Variants in RAB38 observed in about 807,000 individuals in gnomAD.
RAB38 encodes RAB38, member RAS oncogene family.
A neutral mutation model predicts 18.4 loss-of-function variants in RAB38; 15 were observed. The observed-to-expected ratio is 0.82, with a 90% CI of 0.55 to 1.26. RAB38 has a LOEUF of 1.26. Among genes scored for constraint, RAB38 ranks in the 50% most tolerant of loss-of-function variants. The pLI is 0.00. For synonymous variants in RAB38, 101 were observed against 104.4 expected (o/e 0.97, Z 0.20); for missense variants, 294 against 267.4 (o/e 1.10, Z -0.69).
chr11:87,805,300 A>T, the RAB38 span, among the ~76,000 whole-genome samples: 5 of 152,270 alleles, frequency 3.3e-5, no homozygotes, highest in Admixed American at 3.3e-4. Context: ...ATACACACAC[A>T]CAAACACCTA....
chr11:88,019,964 T>A, the RAB38 span, among the ~76,000 whole-genome samples: 1 of 152,174 alleles, frequency 6.6e-6, no homozygotes, highest in Non-Finnish European at 1.5e-5. Context: ...AATTCAGCAC[T>A]GTAGACATAC....
At chr11:88,052,377 T>C in the RAB38 span, among the ~76,000 whole-genome samples, 1 of 152,198 alleles carries the variant, frequency 6.6e-6, no homozygotes, top group Non-Finnish European at 1.5e-5. Flanking sequence ...GCTGAAAATA[T>C]AGTTGAATTA....
the RAB38 span, among the ~76,000 whole-genome samples, chr11:87,926,102 A>G: frequency 6.6e-6 from 1 of 151,606 alleles, no homozygotes; most frequent in Non-Finnish European, 1.5e-5. Flanking sequence ...GAGTGTTAGC[A>G]CGGAGTTAGT....
intron 2 of RAB38, among the ~76,000 whole-genome samples, chr11:88,121,213 G>C (rs1020613507): frequency 4.6e-5 from 7 of 152,146 alleles, no homozygotes; most frequent in Non-Finnish European, 8.8e-5. Flanking sequence ...CTGTGTCCTT[G>C]AAAACAAGGA....
chr11:87,864,169 T>A, the RAB38 span, among the ~76,000 whole-genome samples: 1 of 151,742 alleles, frequency 6.6e-6, no homozygotes, highest in African/African-American at 2.4e-5. Flanking sequence ...ATGTGGACAT[T>A]TTGGAAATGA....
the RAB38 span, among the ~76,000 whole-genome samples, chr11:87,973,465 C>T: frequency 1.3e-5 from 2 of 151,780 alleles, no homozygotes; most frequent in African/African-American, 4.8e-5. Flanking sequence ...GAGAGAAGCA[C>T]AGAGAGAGAG....
the RAB38 span, among the ~76,000 whole-genome samples, chr11:87,862,608 C>T: frequency 6.6e-6 from 1 of 151,674 alleles, no homozygotes; most frequent in Non-Finnish European, 1.5e-5. Flanking sequence ...CAAACCCCCA[C>T]AACACAAGTT....
the RAB38 span, among the ~76,000 whole-genome samples, chr11:87,811,272 C>G: frequency 6.6e-6 from 1 of 152,202 alleles, no homozygotes. Context: ...TTTCTTCTCC[C>G]TGGCCTCTGC....
the RAB38 span, among the ~76,000 whole-genome samples, chr11:87,818,879 T>C: frequency 6.6e-6 from 1 of 152,168 alleles, no homozygotes; most frequent in African/African-American, 2.4e-5. Flanking sequence ...CCATCAAGAA[T>C]TAACTTCTCA....
chr11:87,853,586 A>G, the RAB38 span, among the ~76,000 whole-genome samples: 1 of 152,248 alleles, frequency 6.6e-6, no homozygotes, highest in Non-Finnish European at 1.5e-5. Flanking sequence ...AGGTAGAAGC[A>G]GTGGAAAAAA....
the RAB38 span, among the ~76,000 whole-genome samples, chr11:87,899,747 T>A: frequency 6.6e-6 from 1 of 151,648 alleles, no homozygotes; most frequent in African/African-American, 2.4e-5. Context: ...CCTAACCATT[T>A]ATGGGCTAAA....
chr11:88,100,567 TG>T, the RAB38 span, among the ~76,000 whole-genome samples: 1 of 151,990 alleles, frequency 6.6e-6, no homozygotes, highest in Non-Finnish European at 1.5e-5. Flanking sequence ...TAAACATTTC[TG>T]GGGAAAATTT....
At chr11:88,107,768 T>A in the RAB38 span, among the ~76,000 whole-genome samples, 1 of 152,160 alleles carries the variant, frequency 6.6e-6, no homozygotes, top group Non-Finnish European at 1.5e-5. Flanking sequence ...TGCTATAAAT[T>A]TCCCTCTAAA....
At chr11:87,812,315 C>T in the RAB38 span, among the ~76,000 whole-genome samples, 1 of 152,036 alleles carries the variant, frequency 6.6e-6, no homozygotes, top group Non-Finnish European at 1.5e-5. Context: ...CAACTTTACT[C>T]TTCTGTTACT....
the RAB38 span, among the ~76,000 whole-genome samples, chr11:88,073,316 C>T: frequency 3.3e-5 from 5 of 152,100 alleles, no homozygotes; most frequent in African/African-American, 1.2e-4. Context: ...GAAGTTTGTT[C>T]CACAGTTCCC....
the RAB38 span, among the ~76,000 whole-genome samples, chr11:87,821,816 A>G: frequency 6.7e-6 from 1 of 149,372 alleles, no homozygotes. Context: ...CCGCCACTTC[A>G]CTCCACCCTG....
the RAB38 span, among the ~76,000 whole-genome samples, chr11:87,945,273 G>C: frequency 2.0e-5 from 3 of 152,088 alleles, no homozygotes; most frequent in African/African-American, 7.2e-5. Flanking sequence ...TAAACTCGTA[G>C]GCATTAAAAT....
At chr11:87,969,808 T>C in the RAB38 span, among the ~76,000 whole-genome samples, 1 of 152,162 alleles carries the variant, frequency 6.6e-6, no homozygotes, top group East Asian at 1.9e-4. Flanking sequence ...GCTTTTAGAA[T>C]TGGCAATTTT....
chr11:87,860,953 A>G, the RAB38 span, among the ~76,000 whole-genome samples: 1 of 151,944 alleles, frequency 6.6e-6, no homozygotes, highest in Non-Finnish European at 1.5e-5. Flanking sequence ...TCTCAGCAAC[A>G]TAAATTCTGC....
Sources: allele counts gnomAD v4.1 joint callset (sites outside exome capture counted in the v4.1 genomes callset), GRCh38; gene constraint gnomAD v4.1.1; transcripts MANE v1.5; gene names NCBI Gene and HGNC (gene_info 2026-07-23, HGNC 2026-07-21).